Variants in SAMD12 observed in about 807,000 individuals in gnomAD.
The protein encoded by SAMD12 is sterile alpha motif domain-containing protein 12.
A neutral mutation model predicts 15.0 loss-of-function variants in SAMD12; 9 were observed. That is an observed-to-expected ratio of 0.60 (90% CI 0.36 to 1.05). The LOEUF (loss-of-function observed/expected upper bound fraction) is 1.05. Ranked by LOEUF, SAMD12 falls within the 50% of genes least tolerant of loss-of-function variation. The pLI, the probability that SAMD12 is intolerant of heterozygous loss-of-function variation, is 0.01. For synonymous variants in SAMD12, 86 were observed against 90.1 expected (o/e 0.96, Z 0.25); for missense variants, 230 against 234.2 (o/e 0.98, Z 0.12).
intron 1 of SAMD12, among the ~76,000 whole-genome samples, chr8:118,606,518 T>TG (rs1441577532): frequency 6.6e-6 from 1 of 151,660 alleles, no homozygotes; most frequent in Non-Finnish European, 1.5e-5. Flanking sequence ...ATGATGGCCC[T>TG]GGGGTGAACC....
At chr8:118,614,082 G>GA (rs1273865769) in intron 1 of SAMD12, among the ~76,000 whole-genome samples, 2 of 151,994 alleles carry the variant, frequency 1.3e-5, no homozygotes, top group Admixed American at 6.6e-5. Context: ...TTCCCTCATT[G>GA]AGCACACACT....
chr8:118,421,434 T>G (rs148070229), intron 3 of SAMD12, among the ~76,000 whole-genome samples: 129 of 152,324 alleles, frequency 8.5e-4, no homozygotes, highest in African/African-American at 3.0e-3. Flanking sequence ...CTTGTTTAAG[T>G]TGTAATTGCT....
At chr8:118,181,654 T>A in the SAMD12 span, among the ~76,000 whole-genome samples, 190 of 152,336 alleles carry the variant, frequency 1.2e-3, 2 homozygotes, top group African/African-American at 3.5e-3. Flanking sequence ...TTGTGGATAC[T>A]AAGAGACTGA....
At chr8:118,561,424 T>C (rs1183361664) in intron 2 of SAMD12, among the ~76,000 whole-genome samples, 1 of 152,194 alleles carries the variant, frequency 6.6e-6, no homozygotes, top group Admixed American at 6.5e-5. Context: ...CATATTCTCA[T>C]GCAATAATAA....
At chr8:118,132,351 T>C in the SAMD12 span, among the ~76,000 whole-genome samples, 1 of 152,210 alleles carries the variant, frequency 6.6e-6, no homozygotes, top group Non-Finnish European at 1.5e-5. Flanking sequence ...TTTACAGCAG[T>C]GTCCCCAATT....
intron 4 of SAMD12, among the ~76,000 whole-genome samples, chr8:118,220,575 T>C (rs1812061583): frequency 1.3e-5 from 2 of 152,190 alleles, no homozygotes; most frequent in Non-Finnish European, 2.9e-5. Context: ...AATCAGTTTC[T>C]CAAAAAGCTG....
At chr8:118,497,597 C>G (rs900655825) in intron 2 of SAMD12, among the ~76,000 whole-genome samples, 1 of 151,304 alleles carries the variant, frequency 6.6e-6, no homozygotes, top group African/African-American at 2.4e-5. Context: ...GGGGAGGTTA[C>G]CTATAGGGCA....
chr8:118,217,590 G>T (rs1162517786), intron 4 of SAMD12, among the ~76,000 whole-genome samples: 1 of 152,182 alleles, frequency 6.6e-6, no homozygotes, highest in Non-Finnish European at 1.5e-5. Context: ...ATTTTATAAA[G>T]GGAGTGATTG....
intron 4 of SAMD12, among the ~76,000 whole-genome samples, chr8:118,261,463 C>T (rs1394958537): frequency 1.3e-5 from 2 of 152,080 alleles, no homozygotes; most frequent in African/African-American, 2.4e-5. Flanking sequence ...AAGACTCTCA[C>T]ATTTCAGCAA....
At chr8:118,604,249 T>C (rs1227042261) in intron 1 of SAMD12, among the ~76,000 whole-genome samples, 1 of 152,222 alleles carries the variant, frequency 6.6e-6, no homozygotes, top group Non-Finnish European at 1.5e-5. Context: ...ATACTTGGTA[T>C]ACAAGTAAGC....
Position 118,207,053 on chromosome 8 carries a change from T to C in SAMD12, c.434-9321A>G, listed in dbSNP as rs373109183. 2.2e-4 allele frequency among the ~76,000 whole-genome samples: 33 copies of C among 152,350 alleles called. No homozygotes were observed. The South Asian group carries it at 6.6e-3, about 31-fold the overall frequency. Reference sequence around the variant, plus strand: ...GTTTTCAAGTATGGGCAGAATTTCCTGGGAGGCCAGGATATTGTTCTCTAA... The same window carrying C: ...GTTTTCAAGTATGGGCAGAATTTCCCGGGAGGCCAGGATATTGTTCTCTAA... On this transcript the variant is annotated intron_variant, in intron 4 of 4. Coordinates refer to the SAMD12 transcript ENST00000409003.
intron 2 of SAMD12, among the ~76,000 whole-genome samples, chr8:118,551,710 A>G (rs1453404225): frequency 6.7e-6 from 1 of 149,776 alleles, no homozygotes; most frequent in Admixed American, 6.6e-5. Flanking sequence ...GACACAAAAA[A>G]CCCTTCAAAA....
intron 2 of SAMD12, among the ~76,000 whole-genome samples, chr8:118,471,711 T>C (rs1487471736): frequency 6.6e-6 from 1 of 152,208 alleles, no homozygotes; most frequent in East Asian, 1.9e-4. Context: ...AAACTTGCTC[T>C]TGGTCTTAGG....
intron 4 of SAMD12, among the ~76,000 whole-genome samples, chr8:118,270,617 C>T (rs982983429): frequency 6.6e-6 from 1 of 152,096 alleles, no homozygotes; most frequent in African/African-American, 2.4e-5. Context: ...GAAAACATTC[C>T]TCATTTTTAT....
the SAMD12 span, among the ~76,000 whole-genome samples, chr8:118,163,091 GT>G: frequency 1.3e-5 from 2 of 152,156 alleles, no homozygotes; most frequent in Admixed American, 6.5e-5. Flanking sequence ...TGGAAAGGTA[GT>G]TTGTAAAGAT....
At position 118,287,120 on chromosome 8, in the gene SAMD12, A is replaced by ATTTT. The variant is rs202195351; in HGVS notation, c.434-89389_434-89388insAAAA. Among the ~76,000 whole-genome samples, 24 of 132,844 alleles carry ATTTT rather than the reference A, an allele frequency of 1.8e-4. 1 individual carries two copies. Among genetic ancestry groups the ATTTT allele is most frequent in the African/African-American group, 5.2e-4 (17 of 32,958 alleles). The allele number at this position is 132,844 out of a possible 152,430, so 87.2% of individuals were successfully genotyped here. ...GAAACAAGAAACTGAGTAAGGAAGA[A>ATTTT]TATTTTTTTTTTTTTTTTTTTTGAG... On this transcript the variant is annotated intron_variant, in intron 4 of 4. Coordinates refer to the SAMD12 transcript ENST00000409003.
chr8:118,578,588 C>A (rs1252809899), intron 2 of SAMD12, among the ~76,000 whole-genome samples: 1 of 152,128 alleles, frequency 6.6e-6, no homozygotes, highest in Non-Finnish European at 1.5e-5. Flanking sequence ...TCTACCAGCC[C>A]TCTAAATGCA....
intron 1 of SAMD12, among the ~76,000 whole-genome samples, chr8:118,595,237 T>C (rs890156296): frequency 3.3e-5 from 5 of 152,198 alleles, no homozygotes; most frequent in African/African-American, 1.2e-4. Context: ...GCAGACAGTG[T>C]GACTGCATAT....
chr8:118,364,306 C>T (rs1818657171), intron 4 of SAMD12, among the ~76,000 whole-genome samples: 1 of 152,278 alleles, frequency 6.6e-6, no homozygotes, highest in African/African-American at 2.4e-5. Flanking sequence ...TTCAGCAGTG[C>T]TGTCTCCTGA....
Sources: gnomAD v4.1 joint callset for allele counts (sites outside exome capture counted in the v4.1 genomes callset) on GRCh38, gnomAD v4.1.1 for gene constraint, MANE v1.5 for transcripts, NCBI Gene and HGNC (gene_info 2026-07-23, HGNC 2026-07-21) for gene names.